PVT1: variants seen among roughly 807,000 people sequenced by gnomAD.
PVT1 encodes Pvt1 oncogene, also known as CXCR4/PVT1 fusion.
chr8:127,993,109 CA>C (rs1407874036), intron 4 of PVT1, among the ~76,000 whole-genome samples: 1 of 152,218 alleles, frequency 6.6e-6, no homozygotes, highest in Non-Finnish European at 1.5e-5. Flanking sequence ...GTTTTTGGTG[CA>C]TTGCAATTGC....
At chr8:127,803,983 T>C in intron 2 of PVT1, among the ~76,000 whole-genome samples, 1 of 152,150 alleles carries the variant, frequency 6.6e-6, no homozygotes, top group East Asian at 1.9e-4. Context: ...CCTCCCAAAG[T>C]GCTGGGATTA....
intron 2 of PVT1, among the ~76,000 whole-genome samples, chr8:127,838,875 A>G (rs747350665): frequency 6.6e-6 from 1 of 152,106 alleles, no homozygotes; most frequent in Non-Finnish European, 1.5e-5. Flanking sequence ...TGGACCGTAT[A>G]TACAACGGTG....
intron 4 of PVT1, among the ~76,000 whole-genome samples, chr8:128,028,938 G>A (rs1209917858): frequency 6.6e-6 from 1 of 152,092 alleles, no homozygotes; most frequent in Admixed American, 6.5e-5. Context: ...GACCTCCTGG[G>A]CTCAAGCAAT....
At chr8:128,046,683 A>T (rs1813617653) in intron 4 of PVT1, among the ~76,000 whole-genome samples, 1 of 152,202 alleles carries the variant, frequency 6.6e-6, no homozygotes, top group Non-Finnish European at 1.5e-5. Context: ...CTGGCTGAAC[A>T]TTCTTTCACT....
chr8:128,073,792 ATTTTTTTTTCTTT>A (rs1814030584), intron 5 of PVT1, among the ~76,000 whole-genome samples: 1 of 149,248 alleles, frequency 6.7e-6, no homozygotes, highest in South Asian at 2.1e-4. Flanking sequence ...AATAACAACA[ATTTTTTTTTCTTT>A]TTTTTTTTTT....
At chr8:127,917,302 G>T (rs1815997096) in intron 3 of PVT1, among the ~76,000 whole-genome samples, 2 of 152,180 alleles carry the variant, frequency 1.3e-5, no homozygotes, top group African/African-American at 4.8e-5. Context: ...ACAGCCCCTG[G>T]TCTTAAGGAC....
At chr8:127,992,827 C>A (rs1817058633) in intron 4 of PVT1, among the ~76,000 whole-genome samples, 1 of 152,210 alleles carries the variant, frequency 6.6e-6, no homozygotes, top group Non-Finnish European at 1.5e-5. Flanking sequence ...TGGCTCCCTG[C>A]CTGATACTGC....
At chr8:127,995,694 G>A (rs1404952060) in intron 4 of PVT1, among the ~76,000 whole-genome samples, 1 of 152,136 alleles carries the variant, frequency 6.6e-6, no homozygotes, top group East Asian at 1.9e-4. Flanking sequence ...TAATCTACCA[G>A]TAATCATGGT....
chr8:127,860,784 A>AAG lies in PVT1; in HGVS notation n.373-29805_373-29804insAG, dbSNP rs777898921. 1.4e-3 allele frequency among the ~76,000 whole-genome samples: 198 copies of AAG among 143,422 alleles called. 8 individuals are homozygous for AAG. The highest frequency in any genetic ancestry group is 2.4e-3 in the South Asian group (11 of 4,592). The allele number at this position is 143,422 out of a possible 152,430, so 94.1% of individuals were successfully genotyped here. On this transcript the variant is annotated intron_variant and non_coding_transcript_variant, in intron 2 of 10. Transcript: ENST00000651587. The stretch of plus-strand genomic sequence containing the variant: ...AATCTCAAAAAAAAAAAAAAAAAAA[A>AAG]GGAGAAGACAAGGCGACAACTGTGA...
Position 127,813,183 on chromosome 8 carries a change from A to ATG in PVT1, n.372+17112_372+17113insTG, listed in dbSNP as rs373611299. Among the ~76,000 whole-genome samples the ATG allele has an allele frequency of 7.4e-5, 7 of 94,384 alleles. No individual in the cohort carries two copies. The East Asian group carries it at 1.6e-3, about 22-fold the overall frequency. 61.9% of individuals were successfully genotyped at this position (94,384 alleles called of 152,430 possible). A position where few individuals can be genotyped will look rare whatever the true frequency, so the allele number is the denominator to read the frequency against. On this transcript the variant is annotated intron_variant and non_coding_transcript_variant, in intron 2 of 10. Coordinates refer to ENST00000651587, the Ensembl canonical transcript of PVT1. ...GTATATAATATATACAAATATATATAATATATACAAATATATATAATATAC... is the reference window on the plus strand; with the variant it reads ...GTATATAATATATACAAATATATATATGATATATACAAATATATATAATATAC...
At chr8:127,902,435 T>A (rs1349935345) in intron 3 of PVT1, among the ~76,000 whole-genome samples, 1 of 152,036 alleles carries the variant, frequency 6.6e-6, no homozygotes, top group Non-Finnish European at 1.5e-5. Flanking sequence ...CTTTTTTTTT[T>A]TTTTTCACTT....
chr8:127,931,454 AAAGCTTATTTTGTGC>A (rs1441352511), intron 3 of PVT1, among the ~76,000 whole-genome samples: 1 of 152,232 alleles, frequency 6.6e-6, no homozygotes, highest in African/African-American at 2.4e-5. Flanking sequence ...CTCATCATTG[AAAGCTTATTTTGTGC>A]AAAGCATTGT....
rs539566428 is a variant in PVT1 at position 128,002,570 on chromosome 8, G to A, written n.912+13279G>A. Among the ~76,000 whole-genome samples, 28 of 152,182 alleles carry A rather than the reference G, an allele frequency of 1.8e-4. No individual in the cohort carries two copies. In the South Asian group the frequency reaches 3.1e-3, roughly 17 times the overall value. On this transcript the variant is annotated intron_variant and non_coding_transcript_variant, in intron 4 of 10. Coordinates refer to ENST00000651587, the Ensembl canonical transcript of PVT1. ...GAAAAATCCTCCCTTTCTCTCTCCC[G>A]GCCTCTGCTGGAGGCTGGCCATCCT...
At chr8:127,920,632 A>G (rs1343694947) in intron 3 of PVT1, among the ~76,000 whole-genome samples, 1 of 152,264 alleles carries the variant, frequency 6.6e-6, no homozygotes, top group African/African-American at 2.4e-5. Context: ...TAGTTGATTT[A>G]TGTGCTTGCC....
At chr8:127,838,497 G>A (rs1814933390) in intron 2 of PVT1, among the ~76,000 whole-genome samples, 1 of 152,070 alleles carries the variant, frequency 6.6e-6, no homozygotes. Context: ...CTGAGGTCAG[G>A]AGTTCAAGAC....
chr8:128,061,920 TAGAA>T lies in PVT1; in HGVS notation n.913-8236_913-8233del, dbSNP rs528884660. ...AAAAAAATGTACAAATGAAAAAACA[TAGAA>T]AGAGAGGAAAAAGCAAAATATCTGT... On this transcript the variant is annotated intron_variant and non_coding_transcript_variant, in intron 4 of 10. Transcript: ENST00000651587. Among the ~76,000 whole-genome samples the T allele has an allele frequency of 1.3e-3, 195 of 152,310 alleles. 1 individual carries two copies. The highest frequency in any genetic ancestry group is 4.1e-3 in the African/African-American group (171 of 41,554).
intron 4 of PVT1, among the ~76,000 whole-genome samples, chr8:128,003,712 T>C (rs1817213274): frequency 6.6e-6 from 1 of 152,254 alleles, no homozygotes; most frequent in South Asian, 2.1e-4. Flanking sequence ...TATGCATATG[T>C]GTAAATTATA....
chr8:128,063,480 CCA>C (rs1813857644), intron 4 of PVT1, among the ~76,000 whole-genome samples: 1 of 152,056 alleles, frequency 6.6e-6, no homozygotes, highest in Admixed American at 6.5e-5. Context: ...CCACTACACT[CCA>C]GCCTGGGCAA....
At chr8:127,824,043 A>G (rs556153740) in intron 2 of PVT1, among the ~76,000 whole-genome samples, 2 of 152,292 alleles carry the variant, frequency 1.3e-5, no homozygotes, top group African/African-American at 4.8e-5. Context: ...ACATTAAAAA[A>G]TTAGCCATAC....
Sources: allele counts gnomAD v4.1 joint callset (sites outside exome capture counted in the v4.1 genomes callset), GRCh38; gene constraint gnomAD v4.1.1; transcripts MANE v1.5; gene names NCBI Gene and HGNC (gene_info 2026-07-23, HGNC 2026-07-21).